The following AKAP7 variants were observed in gnomAD, a reference collection of about 807,000 sequenced individuals.
The protein encoded by AKAP7 is A kinase (PRKA) anchor protein 7.
AKAP7 carries 39 observed loss-of-function variants against 39.5 expected under a neutral mutation model. That is an observed-to-expected ratio of 0.99 (90% CI 0.76 to 1.29). The LOEUF (loss-of-function observed/expected upper bound fraction) is 1.29. Among genes scored for constraint, AKAP7 ranks in the 50% most tolerant of loss-of-function variants. AKAP7 has a pLI of 0.00. For missense variants in AKAP7, 414 were observed against 407.7 expected, an observed-to-expected ratio of 1.02 and a Z score of -0.13; for synonymous variants, 140 against 139.1, an observed-to-expected ratio of 1.01 and a Z score of -0.05.
intron 7 of AKAP7, among the ~76,000 whole-genome samples, chr6:131,220,332 AGAT>A (rs1376800834): frequency 1.3e-5 from 2 of 152,232 alleles, no homozygotes; most frequent in East Asian, 3.8e-4. Context: ...AGATGGCAGG[AGAT>A]GAGACAGACT....
At chr6:131,217,802 C>T (rs1809323044) in intron 6 of AKAP7, among the ~76,000 whole-genome samples, 1 of 152,048 alleles carries the variant, frequency 6.6e-6, no homozygotes, top group South Asian at 2.1e-4. Flanking sequence ...AGTGGCTAGT[C>T]GGTGCTGCAC....
At chr6:131,196,617 C>G (rs966075981) in intron 5 of AKAP7, among the ~76,000 whole-genome samples, 1 of 151,982 alleles carries the variant, frequency 6.6e-6, no homozygotes, top group Admixed American at 6.6e-5. Context: ...ATTTCAATAT[C>G]TTTGTTAAAT....
At chr6:131,223,687 C>G (rs969768141) in intron 7 of AKAP7, among the ~76,000 whole-genome samples, 1 of 152,146 alleles carries the variant, frequency 6.6e-6, no homozygotes, top group African/African-American at 2.4e-5. Flanking sequence ...TCTCTGCCAA[C>G]CTTATAAGGT....
chr6:131,252,655 C>T (rs1444194910), intron 7 of AKAP7, among the ~76,000 whole-genome samples: 3 of 152,180 alleles, frequency 2.0e-5, no homozygotes, highest in Admixed American at 6.5e-5. Context: ...ATTTATTGCT[C>T]AGCGTGCCTC....
At position 131,282,056 on chromosome 6, in the gene AKAP7, G is replaced by T; in HGVS notation, c.*330G>T. Reference sequence around the variant, plus strand: ...CGAGAAAGAGGCCTTGCCATCAATGGAATACTGCCATTTATATTGCTTAGC... The same window carrying T: ...CGAGAAAGAGGCCTTGCCATCAATGTAATACTGCCATTTATATTGCTTAGC... On this transcript the variant is annotated 3_prime_UTR_variant, in exon 8 of 8. Transcript: ENST00000431975. 8.8e-7 allele frequency: 1 copy of T among 1,138,714 alleles called. No individual in the cohort carries two copies. Among genetic ancestry groups the T allele is most frequent in the Admixed American group, 4.5e-5 (1 of 22,400 alleles). 70.5% of individuals were successfully genotyped at this position (1,138,714 alleles called of 1,614,324 possible).
chr6:131,171,839 G>A (rs1235570293), intron 5 of AKAP7, among the ~76,000 whole-genome samples: 1 of 152,188 alleles, frequency 6.6e-6, no homozygotes, highest in African/African-American at 2.4e-5. Context: ...GAGAGTGGTA[G>A]AATGTTTGAT....
In AKAP7 at chr6:131,172,637, T is replaced by C. The variant is rs573496837; in HGVS notation, c.589+3364T>C. ...GCCACTGTGCCCAGCCCCTCCTTTC[T>C]TTTTCTATTTGTTGCAAGAGCGTCT... is the stretch of plus-strand genomic sequence containing the variant. On this transcript the variant is annotated intron_variant, in intron 5 of 7. Transcript: ENST00000431975. 2.0e-5 allele frequency among the ~76,000 whole-genome samples: 3 copies of C among 152,252 alleles called. No homozygotes were observed. The East Asian group carries it at 5.8e-4, about 29-fold the overall frequency.
chr6:131,188,093 A>C (rs764657639), intron 5 of AKAP7, among the ~76,000 whole-genome samples: 4 of 152,216 alleles, frequency 2.6e-5, no homozygotes, highest in Non-Finnish European at 4.4e-5. Context: ...ATGTATTTTA[A>C]AGATGTGCTT....
rs142663055 is a variant in AKAP7, at chr6:131,179,602, AG to A, written c.589+10331del. ...AATGTGTGACACATAAAACGCGTTA[AG>A]GCTCACATAATCCCAGCACTCTGGG... On this transcript the variant is annotated intron_variant, in intron 5 of 7. Coordinates refer to ENST00000431975, the MANE Select transcript of AKAP7 (RefSeq NM_016377.4). Among the ~76,000 whole-genome samples, 1,644 of 152,304 alleles carry A rather than the reference AG, an allele frequency of 0.011. 93 individuals are homozygous for A. The East Asian group carries it at 0.16, about 15-fold the overall frequency.
intron 5 of AKAP7, among the ~76,000 whole-genome samples, chr6:131,174,249 A>G (rs182741936): frequency 3.9e-4 from 59 of 152,338 alleles, no homozygotes; most frequent in Non-Finnish European, 4.1e-4. Context: ...GAACCTAAAT[A>G]TTTGAATATA....
chr6:131,221,104 T>C (rs972184201), intron 7 of AKAP7, among the ~76,000 whole-genome samples: 3 of 152,224 alleles, frequency 2.0e-5, no homozygotes, highest in African/African-American at 7.2e-5. Context: ...AGCCAAGTTG[T>C]GAATGCCAAG....
chr6:131,240,927 C>G (rs1169916600), intron 7 of AKAP7, among the ~76,000 whole-genome samples: 1 of 152,160 alleles, frequency 6.6e-6, no homozygotes, highest in Non-Finnish European at 1.5e-5. Flanking sequence ...CACCCACTGT[C>G]CTGCACCCAC....
intron 7 of AKAP7, among the ~76,000 whole-genome samples, chr6:131,238,086 A>G (rs1811226855): frequency 6.6e-6 from 1 of 152,016 alleles, no homozygotes; most frequent in Non-Finnish European, 1.5e-5. Flanking sequence ...AATGTGTCCC[A>G]GAGATTCTGG....
At chr6:131,164,400 G>A in intron 3 of AKAP7, 1 of 455,716 alleles carries the variant, frequency 2.2e-6, no homozygotes, top group Non-Finnish European at 4.4e-6. Flanking sequence ...TGTTTCAGAG[G>A]AGCAGGTGCT....
chr6:131,129,452 T>C, the AKAP7 span, among the ~76,000 whole-genome samples: 2 of 152,210 alleles, frequency 1.3e-5, no homozygotes, highest in Admixed American at 6.5e-5. Context: ...AGTATGTGTT[T>C]ATATGTGTAT....
At chr6:131,250,136 T>G (rs538619337) in intron 7 of AKAP7, 217 of 980,248 alleles carry the variant, frequency 2.2e-4, no homozygotes, top group Admixed American at 3.6e-4. Flanking sequence ...ATGGTTTTTT[T>G]GGGGGTTTGA....
chr6:131,173,130 G>T (rs1804232939), intron 5 of AKAP7, among the ~76,000 whole-genome samples: 1 of 150,908 alleles, frequency 6.6e-6, no homozygotes, highest in Non-Finnish European at 1.5e-5. Context: ...GAACCCGGGA[G>T]GCGGAGGTTG....
At chr6:131,157,034 C>G (rs1022384856) in intron 2 of AKAP7, among the ~76,000 whole-genome samples, 2 of 152,130 alleles carry the variant, frequency 1.3e-5, no homozygotes, top group Non-Finnish European at 2.9e-5. Context: ...CTCAGCCTCC[C>G]AAAGTGCTGG....
intron 5 of AKAP7, among the ~76,000 whole-genome samples, chr6:131,191,845 GTT>G (rs34409067): frequency 5.2e-5 from 7 of 135,334 alleles, no homozygotes; most frequent in Non-Finnish European, 8.0e-5. Context: ...TCCTCGTGGT[GTT>G]TTTTTTTTTT....
Sources: gnomAD v4.1 joint callset for allele counts (sites outside exome capture counted in the v4.1 genomes callset) on GRCh38, gnomAD v4.1.1 for gene constraint, MANE v1.5 for transcripts, NCBI Gene and HGNC (gene_info 2026-07-23, HGNC 2026-07-21) for gene names.